Variants in ZNF385D observed in about 807,000 individuals in gnomAD.
ZNF385D encodes the protein zinc finger protein 385D.
Under a neutral mutation model 35.8 loss-of-function variants are expected in ZNF385D, and 15 were observed. The ratio of observed to expected loss-of-function variants is 0.42; its 90% confidence interval spans 0.28 to 0.64. The LOEUF is 0.64. ZNF385D is among the 30% of genes least tolerant of loss of function. The probability of loss-of-function intolerance (pLI) is 0.23; values close to 1 mark genes in which losing one functional copy is unlikely to be tolerated. For missense variants in ZNF385D, 474 were observed against 494.6 expected, an observed-to-expected ratio of 0.96 and a Z score of 0.39; for synonymous variants, 212 against 186.8, an observed-to-expected ratio of 1.13 and a Z score of -1.10.
At chr3:22,265,383 T>A (rs994811389) in intron 2 of ZNF385D, among the ~76,000 whole-genome samples, 2 of 151,976 alleles carry the variant, frequency 1.3e-5, no homozygotes, top group South Asian at 2.1e-4. Context: ...TTACAAAAAA[T>A]TTTTGTGAAA....
At chr3:22,284,260 C>T (rs1381383900) in intron 2 of ZNF385D, among the ~76,000 whole-genome samples, 1 of 152,122 alleles carries the variant, frequency 6.6e-6, no homozygotes, top group Non-Finnish European at 1.5e-5. Flanking sequence ...GCGATCTTGG[C>T]TCACTGCAAC....
At position 21,482,648 on chromosome 3, in the gene ZNF385D, A is replaced by T. The variant is rs115599788; in HGVS notation, c.439+28213T>A. Among the ~76,000 whole-genome samples, 1,459 of 152,116 alleles carry T rather than the reference A, an allele frequency of 9.6e-3. 25 individuals are homozygous for T. The highest frequency in any genetic ancestry group is 0.032 in the African/African-American group (1,344 of 41,506). On this transcript the variant is annotated intron_variant, in intron 4 of 7. Coordinates refer to ENST00000281523, the MANE Select transcript of ZNF385D (RefSeq NM_024697.3). ...TGTAATCAGTAGAATTATCTGTGAA[A>T]TTTTTTTTAGAAGTGCCAATTTCTA...
At chr3:22,056,785 A>G (rs958240008) in intron 3 of ZNF385D, among the ~76,000 whole-genome samples, 1 of 152,226 alleles carries the variant, frequency 6.6e-6, no homozygotes, top group African/African-American at 2.4e-5. Flanking sequence ...GAATCAGTTG[A>G]TCTCAGATTG....
chr3:21,446,010 T>C (rs983436894), intron 4 of ZNF385D, among the ~76,000 whole-genome samples: 1 of 152,210 alleles, frequency 6.6e-6, no homozygotes, highest in African/African-American at 2.4e-5. Context: ...TAGTATAAAC[T>C]AGTGATTGTG....
At chr3:22,348,500 A>AAAAAAAAAAAAAAAAAAAAAAAG (rs1695763694) in intron 2 of ZNF385D, among the ~76,000 whole-genome samples, 1 of 150,722 alleles carries the variant, frequency 6.6e-6, no homozygotes, top group African/African-American at 2.4e-5. Context: ...AAAAAAAAAA[A>AAAAAAAAAAAAAAAAAAAAAAAG]AAAAAAATAC....
chr3:21,842,069 G>T (rs9841593), intron 3 of ZNF385D, among the ~76,000 whole-genome samples: 8 of 151,582 alleles, frequency 5.3e-5, no homozygotes, highest in African/African-American at 1.9e-4. Context: ...CTAAAATTTA[G>T]ATTTTTTGTT....
chr3:22,118,841 T>C (rs2125660217), intron 3 of ZNF385D, among the ~76,000 whole-genome samples: 1 of 152,274 alleles, frequency 6.6e-6, no homozygotes, highest in Admixed American at 6.5e-5. Flanking sequence ...ATTTCATACA[T>C]ACAAATTTGA....
At chr3:22,141,783 C>G (rs1023844005) in intron 3 of ZNF385D, among the ~76,000 whole-genome samples, 2 of 152,138 alleles carry the variant, frequency 1.3e-5, no homozygotes, top group Admixed American at 6.6e-5. Context: ...CTAATGAAGT[C>G]GTTATTCAGT....
chr3:21,612,314 G>A (rs2064707621), intron 2 of ZNF385D, among the ~76,000 whole-genome samples: 1 of 151,984 alleles, frequency 6.6e-6, no homozygotes, highest in South Asian at 2.1e-4. Context: ...TGGGCAGGGT[G>A]GTCTTGAACT....
At chr3:21,870,917 T>G (rs1697657218) in intron 3 of ZNF385D, among the ~76,000 whole-genome samples, 1 of 152,208 alleles carries the variant, frequency 6.6e-6, no homozygotes, top group Middle Eastern at 3.4e-3. Context: ...CAGACATGTC[T>G]TCCTAGTTGC....
intron 2 of ZNF385D, among the ~76,000 whole-genome samples, chr3:22,361,716 G>A (rs1696416068): frequency 6.6e-6 from 1 of 151,960 alleles, no homozygotes; most frequent in South Asian, 2.1e-4. Context: ...ATTCAGGGCA[G>A]CAGAGAGACC....
At chr3:21,807,351 T>A (rs2072698418) in intron 3 of ZNF385D, among the ~76,000 whole-genome samples, 1 of 152,160 alleles carries the variant, frequency 6.6e-6, no homozygotes, top group Admixed American at 6.5e-5. Context: ...AAATTTTGGT[T>A]TATGACACTA....
rs980803465 is a variant in ZNF385D, at chr3:21,414,952, G to T, written c.*6262C>A. On this transcript the variant is annotated 3_prime_UTR_variant, in exon 8 of 8. Coordinates refer to ENST00000281523, the MANE Select transcript of ZNF385D (RefSeq NM_024697.3). ...AAGAGACATAAAGCATCTCACGAAG[G>T]GTCTTTATCCAATATTAGTTGCCCC... 2.6e-5 allele frequency: 4 copies of T among 151,928 alleles called. No homozygotes were observed. Among genetic ancestry groups the T allele is most frequent in the Non-Finnish European group, 4.4e-5 (3 of 67,982 alleles). 9.4% of individuals were successfully genotyped at this position (151,928 alleles called of 1,614,324 possible).
chr3:22,292,063 T>C (rs1223238034), intron 2 of ZNF385D, among the ~76,000 whole-genome samples: 1 of 152,046 alleles, frequency 6.6e-6, no homozygotes. Flanking sequence ...TGACTTTTCA[T>C]TTCTGCTTTT....
At chr3:22,322,707 T>C (rs1464514723) in intron 2 of ZNF385D, among the ~76,000 whole-genome samples, 5 of 152,230 alleles carry the variant, frequency 3.3e-5, no homozygotes, top group African/African-American at 9.6e-5. Context: ...TTCTCCAAGT[T>C]TCATATAAAT....
At chr3:22,221,837 C>G (rs1294532927) in intron 2 of ZNF385D, among the ~76,000 whole-genome samples, 1 of 152,120 alleles carries the variant, frequency 6.6e-6, no homozygotes, top group Non-Finnish European at 1.5e-5. Context: ...CTTTATTCAT[C>G]AAAACCTCTA....
intron 3 of ZNF385D, among the ~76,000 whole-genome samples, chr3:21,812,400 C>G (rs765240553): frequency 2.0e-5 from 3 of 152,208 alleles, no homozygotes; most frequent in Non-Finnish European, 2.9e-5. Flanking sequence ...GGCGGGGCAC[C>G]GCCTCACCTC....
At chr3:21,424,932 G>A (rs1040286297) in intron 6 of ZNF385D, among the ~76,000 whole-genome samples, 6 of 152,066 alleles carry the variant, frequency 3.9e-5, no homozygotes, top group Admixed American at 3.3e-4. Flanking sequence ...CGTTTAGCTG[G>A]CAATGTATAA....
rs1188996495 is a variant in ZNF385D at position 21,952,875 on chromosome 3, CA to C, written c.325+215941del. On this transcript the variant is annotated intron_variant, in intron 3 of 5. Coordinates refer to the ZNF385D transcript ENST00000494108. ...TAAACTCAAATGAAATTTCTGATGC[CA>C]AAGGTAGAATTGCTAGTTACACGAA... Among the ~76,000 whole-genome samples the C allele has an allele frequency of 5.3e-5, 8 of 151,882 alleles. No homozygotes were observed. In the East Asian group the frequency reaches 1.4e-3, roughly 26 times the overall value.
Sources: allele counts gnomAD v4.1 joint callset (sites outside exome capture counted in the v4.1 genomes callset), GRCh38; gene constraint gnomAD v4.1.1; transcripts MANE v1.5; gene names NCBI Gene and HGNC (gene_info 2026-07-23, HGNC 2026-07-21).